ATP6V1B1: variants seen among roughly 807,000 people sequenced by gnomAD.
ATP6V1B1 encodes V-type proton ATPase subunit B, kidney isoform.
ATP6V1B1 carries 41 observed loss-of-function variants against 62.1 expected under a neutral mutation model. That is an observed-to-expected ratio of 0.66 (90% CI 0.51 to 0.86). ATP6V1B1 has a LOEUF of 0.86. Among genes scored for constraint, ATP6V1B1 ranks in the 40% least tolerant of loss-of-function variants. The pLI is 0.00. For synonymous variants in ATP6V1B1, 253 were observed against 273.4 expected (o/e 0.93, Z 0.74); for missense variants, 651 against 697.5 (o/e 0.93, Z 0.75).
intron 2 of ATP6V1B1, among the ~76,000 whole-genome samples, chr2:70,945,015 C>A (rs1407461416): frequency 6.6e-6 from 1 of 152,166 alleles, no homozygotes; most frequent in African/African-American, 2.4e-5. Context: ...TCCACTCACT[C>A]TCATCACTCT....
At chr2:70,944,213 TC>T in intron 2 of ATP6V1B1, 1 of 1,289,408 alleles carries the variant, frequency 7.8e-7, no homozygotes, top group Non-Finnish European at 1.0e-6. Context: ...AATATCTCAG[TC>T]TCAGCAACAT....
intron 1 of ATP6V1B1, chr2:70,938,799 G>C: frequency 1.0e-6 from 1 of 985,286 alleles, no homozygotes; most frequent in African/African-American, 1.7e-5. Flanking sequence ...TTGGAGGGTG[G>C]AGGTGCCCAG....
In ATP6V1B1 at chr2:70,959,880, G is replaced by A. The variant is rs1317984182; in HGVS notation, c.446-59G>A. ...GGCTCTGGAGTCTGGGGTCAGTGTCGAGGAGAGCAGGGAAGGGTTTGAACC... is the reference window on the plus strand; with the variant it reads ...GGCTCTGGAGTCTGGGGTCAGTGTCAAGGAGAGCAGGGAAGGGTTTGAACC... On this transcript the variant is annotated intron_variant, in intron 5 of 13. Coordinates refer to ENST00000234396, the MANE Select transcript of ATP6V1B1 (RefSeq NM_001692.4). This position sits in a 1 kb window ranked among gnomAD's most constrained non-coding sequence, Gnocchi z 4.2. The A allele has an allele frequency of 1.4e-5, 22 of 1,613,412 alleles. No homozygotes were observed. The highest frequency in any genetic ancestry group is 3.3e-5 in the Admixed American group (2 of 59,992).
Position 70,959,211 on chromosome 2 carries a change from CCTCT to C in ATP6V1B1, c.445+119_445+122del. ...AGATGTGATGGGAGAGCAGCAAAGG[CCTCT>C]CTATCCCCAAATCTTCCACTGAACC... is the stretch of plus-strand genomic sequence containing the variant. On this transcript the variant is annotated intron_variant, in intron 5 of 13. Transcript: ENST00000234396. This position sits in a 1 kb window ranked among gnomAD's most constrained non-coding sequence, Gnocchi z 4.2. 1.8e-6 allele frequency: 2 copies of C among 1,082,848 alleles called. No homozygotes were observed. The highest frequency in any genetic ancestry group is 2.7e-5 in the South Asian group (2 of 75,130). The allele number at this position is 1,082,848 out of a possible 1,614,324, so 67.1% of individuals were successfully genotyped here.
Position 70,962,777 on chromosome 2 carries a change from G to T in ATP6V1B1, c.786G>T (p.Thr262=). Residue 262 remains threonine, a splice_region_variant and synonymous_variant, in exon 9 of 14, where the codon ACG becomes ACT. Coordinates refer to ENST00000234396, the MANE Select transcript of ATP6V1B1 (RefSeq NM_001692.4). Reference sequence around the variant, plus strand: ...TCTAAACACCTGGCTACACCTCCAGGATCGAGCGGATCATCACCCCGCGCC... The same window carrying T: ...TCTAAACACCTGGCTACACCTCCAGTATCGAGCGGATCATCACCCCGCGCC... ...CLFLNLANDP[T]IERIITPRLA... 1 of 1,613,742 alleles carries T rather than the reference G, an allele frequency of 6.2e-7. No homozygotes were observed.
In ATP6V1B1 at chr2:70,959,836, A is replaced by C; in HGVS notation, c.446-103A>C. 6.3e-7 allele frequency: 1 copy of C among 1,580,982 alleles called. No homozygotes were observed. The highest frequency in any genetic ancestry group is 2.3e-5 in the East Asian group (1 of 44,162). ...CAGAGCACGTTTCTATCATCACAGAAAGTTCCGTCAAACAGGGCGGCTCTG... is the reference window on the plus strand; with the variant it reads ...CAGAGCACGTTTCTATCATCACAGACAGTTCCGTCAAACAGGGCGGCTCTG... On this transcript the variant is annotated intron_variant, in intron 5 of 13. Coordinates refer to ENST00000234396, the MANE Select transcript of ATP6V1B1 (RefSeq NM_001692.4). The surrounding 1 kb of genome is among the most constrained non-coding windows in gnomAD (Gnocchi z 4.2).
At chr2:70,955,921 A>G (rs1243360919) in intron 2 of ATP6V1B1, 1 of 159,984 alleles carries the variant, frequency 6.3e-6, no homozygotes, top group African/African-American at 2.4e-5. Context: ...GCTGGCAGCC[A>G]GCAGCAGTTC....
Position 70,963,433 on chromosome 2 carries a change from T to A in ATP6V1B1, c.1060+121T>A. 2 of 1,544,544 alleles carry A rather than the reference T, an allele frequency of 1.3e-6. No individual in the cohort carries two copies. The highest frequency in any genetic ancestry group is 2.3e-5 in the East Asian group (1 of 43,796). ...CAGCAGCGCTTTTCCTCCATCGAGA[T>A]AGACACTGCCCTTTCCTCCACCATC... On this transcript the variant is annotated intron_variant, in intron 10 of 13. Coordinates refer to ENST00000234396, the MANE Select transcript of ATP6V1B1 (RefSeq NM_001692.4). The surrounding 1 kb of genome is among the most constrained non-coding windows in gnomAD (Gnocchi z 4.3).
intron 2 of ATP6V1B1, chr2:70,947,470 C>G (rs35283618): frequency 0.12 from 17,544 of 152,198 alleles, 1,065 homozygotes; most frequent in South Asian, 0.18. Context: ...TCTAGAGAAT[C>G]TTCTGACTCC....
chr2:70,939,139 C>A lies in ATP6V1B1; in HGVS notation c.118+3067C>A, dbSNP rs373244339. ...CCTGTCTCAGCCCTCTCCCAGGACGCTGCAGGTGTGGCTGGGCCAGCGCTA... is the reference window on the plus strand; with the variant it reads ...CCTGTCTCAGCCCTCTCCCAGGACGATGCAGGTGTGGCTGGGCCAGCGCTA... On this transcript the variant is annotated intron_variant, in intron 1 of 13. Coordinates refer to ENST00000234396, the MANE Select transcript of ATP6V1B1 (RefSeq NM_001692.4). 1.4e-4 allele frequency among the ~76,000 whole-genome samples: 21 copies of A among 152,384 alleles called. No homozygotes were observed. The East Asian group carries it at 3.7e-3, about 27-fold the overall frequency.
At chr2:70,945,699 G>GATATATAT (rs1450719874) in intron 2 of ATP6V1B1, among the ~76,000 whole-genome samples, 1,104 of 69,948 alleles carry the variant, frequency 0.016, 162 homozygotes, top group East Asian at 0.021. Flanking sequence ...GCTATTTGAA[G>GATATATAT]AGATATATAT....
At position 70,959,217 on chromosome 2, in the gene ATP6V1B1, T is replaced by A; in HGVS notation, c.445+122T>A. ...GATGGGAGAGCAGCAAAGGCCTCTC[T>A]ATCCCCAAATCTTCCACTGAACCCC... On this transcript the variant is annotated intron_variant, in intron 5 of 13. Coordinates refer to ENST00000234396, the MANE Select transcript of ATP6V1B1 (RefSeq NM_001692.4). The surrounding 1 kb of genome is among the most constrained non-coding windows in gnomAD (Gnocchi z 4.2). 3 of 1,047,112 alleles carry A rather than the reference T, an allele frequency of 2.9e-6. No individual in the cohort carries two copies. The highest frequency in any genetic ancestry group is 4.4e-6 in the Non-Finnish European group (3 of 687,672). The allele number at this position is 1,047,112 out of a possible 1,614,324, so 64.9% of individuals were successfully genotyped here.
In ATP6V1B1 at chr2:70,958,069, C is replaced by A; in HGVS notation, c.198C>A (p.Val66=). 1 of 1,614,114 alleles carries A rather than the reference C, an allele frequency of 6.2e-7. No individual in the cohort carries two copies. Among genetic ancestry groups the A allele is most frequent in the Non-Finnish European group, 8.5e-7 (1 of 1,180,016 alleles). The change falls in exon 3 of 14, where the codon GTC becomes GTA. Residue 66 remains valine, a synonymous_variant. Transcript: ENST00000234396. ...RVKFAQYAEI[V]HFTLPDGTQR... Reference sequence around the variant, plus strand: ...AGTTTGCCCAGTATGCGGAGATCGTCCACTTCACCCTCCCAGATGGGACTC... The same window carrying A: ...AGTTTGCCCAGTATGCGGAGATCGTACACTTCACCCTCCCAGATGGGACTC...
intron 1 of ATP6V1B1, chr2:70,942,538 G>T (rs1354507112): frequency 5.0e-6 from 2 of 396,178 alleles, no homozygotes; most frequent in East Asian, 7.1e-5. Context: ...GGGGTGGCTC[G>T]GGGCCAGGCT....
At chr2:70,958,265 C>T in intron 3 of ATP6V1B1, 68 bp from the exon 4 acceptor site, 1 of 1,595,874 alleles carries the variant, frequency 6.3e-7, no homozygotes, top group Non-Finnish European at 8.6e-7. Flanking sequence ...ACAGAAAGTG[C>T]CCAGAATGGG....
At position 70,960,780 on chromosome 2, in the gene ATP6V1B1, A is replaced by G. The variant is rs1680565976; in HGVS notation, c.586-141A>G. 13 of 221,088 alleles carry G rather than the reference A, an allele frequency of 5.9e-5. 1 individual carries two copies. Among genetic ancestry groups the G allele is most frequent in the South Asian group, 4.5e-4 (13 of 28,834 alleles). The allele number at this position is 221,088 out of a possible 1,614,324, so 13.7% of individuals were successfully genotyped here. ...ACAATAACTCCCACCCCCCACCCCA[A>G]GAAAGACTAGCACCTGGGGCAGCCC... On this transcript the variant is annotated intron_variant, in intron 6 of 13. Coordinates refer to ENST00000234396, the MANE Select transcript of ATP6V1B1 (RefSeq NM_001692.4).
In ATP6V1B1 at chr2:70,965,136, G is replaced by C; in HGVS notation, c.*15G>C. On this transcript the variant is annotated 3_prime_UTR_variant, in exon 14 of 14. Coordinates refer to ENST00000234396, the MANE Select transcript of ATP6V1B1 (RefSeq NM_001692.4). ...CTGCGCTCTAGCCCCGCGCGCCGTG[G>C]CACCCCAACACCGGCAGGGAACCTA... 6.2e-7 allele frequency: 1 copy of C among 1,606,076 alleles called. No homozygotes were observed. The highest frequency in any genetic ancestry group is 8.5e-7 in the Non-Finnish European group (1 of 1,179,792).
chr2:70,952,419 C>T (rs957281017), intron 2 of ATP6V1B1, among the ~76,000 whole-genome samples: 7 of 151,444 alleles, frequency 4.6e-5, no homozygotes, highest in Non-Finnish European at 7.4e-5. Context: ...GCCGAGATCT[C>T]GCCATTGCAT....
chr2:70,960,109 G>C, intron 6 of ATP6V1B1, 31 bp downstream of exon 6: 1 of 1,613,512 alleles, frequency 6.2e-7, no homozygotes, highest in Non-Finnish European at 8.5e-7. Flanking sequence ...AGGCATGGCT[G>C]GGGGAGGGAC....
Sources: gnomAD v4.1 joint callset for allele counts (sites outside exome capture counted in the v4.1 genomes callset) on GRCh38, gnomAD v4.1.1 for gene constraint, Gnocchi (gnomAD v3.1) non-coding constraint, MANE v1.5 for transcripts, NCBI Gene and HGNC (gene_info 2026-07-23, HGNC 2026-07-21) for gene names.